The following ARHGAP19 variants were observed in gnomAD, a reference collection of about 807,000 sequenced individuals.
ARHGAP19 encodes Rho GTPase activating protein 19.
A neutral mutation model predicts 60.9 loss-of-function variants in ARHGAP19; 48 were observed. That is an observed-to-expected ratio of 0.79 (90% CI 0.62 to 1.00). The LOEUF (loss-of-function observed/expected upper bound fraction) is 1.00. ARHGAP19 is among the 50% of genes least tolerant of loss of function. The pLI is 0.00. For missense variants in ARHGAP19, 562 were observed against 597.2 expected (o/e 0.94, Z 0.61); for synonymous variants, 209 against 215.5 (o/e 0.97, Z 0.27).
Position 97,237,873 on chromosome 10 carries a change from A to C in ARHGAP19, c.1186-2558T>G, listed in dbSNP as rs760114883. The stretch of plus-strand genomic sequence containing the variant: ...GCGAAAGAGCGAGACTCTATCTCCA[A>C]AAAAAAACAAAAAACAAAAAAACAA... On this transcript the variant is annotated intron_variant, in intron 8 of 11. Coordinates refer to ENST00000358531, the MANE Select transcript of ARHGAP19 (RefSeq NM_032900.6). Among the ~76,000 whole-genome samples the C allele has an allele frequency of 3.0e-4, 46 of 152,038 alleles. 1 individual carries two copies. Among genetic ancestry groups the C allele is most frequent in the Admixed American group, 2.6e-4 (4 of 15,260 alleles).
At chr10:97,272,062 C>T (rs576534507) in intron 1 of ARHGAP19, among the ~76,000 whole-genome samples, 1 of 149,558 alleles carries the variant, frequency 6.7e-6, no homozygotes, top group Non-Finnish European at 1.5e-5. Context: ...TTAAATTTTC[C>T]TTGTAATGTC....
At chr10:97,257,334 T>A (rs760333182) in intron 5 of ARHGAP19, among the ~76,000 whole-genome samples, 79 of 151,124 alleles carry the variant, frequency 5.2e-4, no homozygotes, top group Middle Eastern at 6.8e-3. Context: ...GTTACCCAGA[T>A]TGGAGTACAG....
chr10:97,288,442 T>C (rs1843183227), intron 1 of ARHGAP19, among the ~76,000 whole-genome samples: 1 of 151,758 alleles, frequency 6.6e-6, no homozygotes, highest in African/African-American at 2.4e-5. Flanking sequence ...TAGTTGAGCG[T>C]GCTGGCACAC....
intron 8 of ARHGAP19, among the ~76,000 whole-genome samples, chr10:97,239,317 ACCC>A (rs1842431129): frequency 1.3e-5 from 2 of 151,944 alleles, no homozygotes; most frequent in African/African-American, 4.8e-5. Flanking sequence ...ACATGGTGAA[ACCC>A]CGTCTCTACT....
Position 97,246,265 on chromosome 10 carries a change from T to G in ARHGAP19, c.993+7A>C, listed in dbSNP as rs375540313. The G allele has an allele frequency of 6.2e-6, 10 of 1,611,570 alleles. No homozygotes were observed. The highest frequency in any genetic ancestry group is 8.5e-6 in the Non-Finnish European group (10 of 1,177,868). ...TGTTTGGGTTAAGAGCAGATTCCTA[T>G]TCTTACCTTTGATGCCTGAGTTCTG... On this transcript the variant is annotated splice_region_variant and intron_variant, in intron 7 of 11. Coordinates refer to ENST00000358531, the MANE Select transcript of ARHGAP19 (RefSeq NM_032900.6).
chr10:97,229,401 C>T (rs1178317467), intron 10 of ARHGAP19, among the ~76,000 whole-genome samples, 176 bp from the exon 11 acceptor site: 1 of 152,066 alleles, frequency 6.6e-6, no homozygotes, highest in Admixed American at 6.5e-5. Context: ...AGTAGGCATG[C>T]CTAGGATATC....
At chr10:97,286,817 G>A (rs549000461) in intron 1 of ARHGAP19, among the ~76,000 whole-genome samples, 15 of 152,272 alleles carry the variant, frequency 9.9e-5, no homozygotes, top group South Asian at 2.1e-4. Context: ...TAAGCTGTGC[G>A]TATTTCCCTA....
intron 8 of ARHGAP19, among the ~76,000 whole-genome samples, chr10:97,238,658 G>T (rs1358487938): frequency 6.6e-6 from 1 of 152,130 alleles, no homozygotes; most frequent in East Asian, 1.9e-4. Context: ...TAAGCTAAGT[G>T]TTATTACAAG....
chr10:97,266,868 A>G (rs1338414302), intron 1 of ARHGAP19, among the ~76,000 whole-genome samples: 1 of 152,158 alleles, frequency 6.6e-6, no homozygotes, highest in Non-Finnish European at 1.5e-5. Flanking sequence ...CTCTCATGAC[A>G]TGTGGGGATT....
chr10:97,263,908 C>G (rs1185412818), intron 3 of ARHGAP19, among the ~76,000 whole-genome samples: 1 of 152,120 alleles, frequency 6.6e-6, no homozygotes, highest in Non-Finnish European at 1.5e-5. Flanking sequence ...CTGAATTTAA[C>G]CCAATCAATG....
intron 1 of ARHGAP19, among the ~76,000 whole-genome samples, chr10:97,281,616 G>A (rs1441940640): frequency 6.6e-6 from 1 of 152,122 alleles, no homozygotes; most frequent in East Asian, 1.9e-4. Flanking sequence ...GTATTGTAAG[G>A]TATAGGGGAC....
intron 5 of ARHGAP19, 168 bp from the exon 6 acceptor site, chr10:97,256,572 T>A (rs1842755275): frequency 1.9e-6 from 1 of 531,500 alleles, no homozygotes; most frequent in South Asian, 2.7e-5. Context: ...TATGACATAA[T>A]CTAGAAAAAC....
chr10:97,279,982 T>C (rs1843062938), intron 1 of ARHGAP19, among the ~76,000 whole-genome samples: 1 of 152,208 alleles, frequency 6.6e-6, no homozygotes, highest in Admixed American at 6.5e-5. Context: ...ATTTACTCAC[T>C]CATTTATTTG....
chr10:97,230,219 T>C (rs1850981374), intron 9 of ARHGAP19, among the ~76,000 whole-genome samples: 1 of 152,234 alleles, frequency 6.6e-6, no homozygotes, highest in Non-Finnish European at 1.5e-5. Flanking sequence ...TTACTCATCA[T>C]ATAATTTTTT....
intron 6 of ARHGAP19, 151 bp from the exon 7 acceptor site, chr10:97,246,488 C>T: frequency 1.6e-6 from 1 of 615,120 alleles, no homozygotes; most frequent in Non-Finnish European, 2.9e-6. Context: ...CCCTCCATAG[C>T]TTCCTTTCTC....
intron 8 of ARHGAP19, among the ~76,000 whole-genome samples, chr10:97,243,205 T>C (rs1163147023): frequency 6.6e-6 from 1 of 152,198 alleles, no homozygotes; most frequent in Admixed American, 6.6e-5. Flanking sequence ...TGTTTATACC[T>C]GGCCTTATGC....
chr10:97,242,052 TAAAA>T (rs1438423766), intron 8 of ARHGAP19, among the ~76,000 whole-genome samples: 1 of 147,050 alleles, frequency 6.8e-6, no homozygotes, highest in African/African-American at 2.5e-5. Context: ...AATAAATAAA[TAAAA>T]AATAAAATGT....
intron 6 of ARHGAP19, among the ~76,000 whole-genome samples, chr10:97,255,400 C>A (rs1842739307): frequency 6.6e-6 from 1 of 152,172 alleles, no homozygotes; most frequent in East Asian, 1.9e-4. Flanking sequence ...CACGTTGAAA[C>A]CCTGTCTCTA....
At chr10:97,264,201 C>G (rs755706096) in intron 3 of ARHGAP19, among the ~76,000 whole-genome samples, 1 of 152,200 alleles carries the variant, frequency 6.6e-6, no homozygotes, top group Non-Finnish European at 1.5e-5. Context: ...CCTATAATCT[C>G]AGCACTTTGG....
Sources: gnomAD v4.1 joint callset for allele counts (sites outside exome capture counted in the v4.1 genomes callset) on GRCh38, gnomAD v4.1.1 for gene constraint, MANE v1.5 for transcripts, NCBI Gene and HGNC (gene_info 2026-07-23, HGNC 2026-07-21) for gene names.